Variants in POSTN observed in about 807,000 individuals in gnomAD.
POSTN encodes the protein periostin, also known as osteoblast specific factor 2 (fasciclin I-like).
In POSTN, 71 loss-of-function variants were observed where a neutral mutation model predicts 104.5. The observed-to-expected ratio is 0.68, with a 90% confidence interval of 0.56 to 0.83. The LOEUF is 0.83. POSTN is among the 40% of genes least tolerant of loss of function. The pLI is 0.00. For missense variants in POSTN, 949 were observed against 1,006.8 expected (o/e 0.94, Z 0.78); for synonymous variants, 355 against 340.7 (o/e 1.04, Z -0.46).
intron 2 of POSTN, among the ~76,000 whole-genome samples, chr13:37,592,465 A>G (rs1950966184): frequency 1.3e-5 from 2 of 151,956 alleles, no homozygotes; most frequent in African/African-American, 4.8e-5. Context: ...CGCCTGGCTA[A>G]TTTTTTGTAT....
chr13:37,567,044 G>A (rs1180734886), intron 21 of POSTN, among the ~76,000 whole-genome samples: 1 of 149,866 alleles, frequency 6.7e-6, no homozygotes, highest in African/African-American at 2.5e-5. Flanking sequence ...AGACCATCCC[G>A]GCTAAAACGG....
At chr13:37,573,952 T>A (rs1950329286) in intron 17 of POSTN, among the ~76,000 whole-genome samples, 2 of 151,494 alleles carry the variant, frequency 1.3e-5, no homozygotes, top group Non-Finnish European at 1.5e-5. Flanking sequence ...ATTATATATA[T>A]CTCATGTATA....
chr13:37,568,900 A>G (rs1031808893), intron 21 of POSTN: 3 of 153,996 alleles, frequency 1.9e-5, no homozygotes, highest in African/African-American at 7.2e-5. Flanking sequence ...TATAGAATTT[A>G]AAGACATGCC....
intron 4 of POSTN, among the ~76,000 whole-genome samples, chr13:37,588,837 TA>T (rs561970707): frequency 6.1e-4 from 93 of 152,184 alleles, no homozygotes; most frequent in African/African-American, 2.1e-3. Flanking sequence ...AAACTGGCCA[TA>T]AGGAACCACT....
intron 16 of POSTN, among the ~76,000 whole-genome samples, chr13:37,575,117 C>T (rs1350971499): frequency 6.6e-6 from 1 of 151,866 alleles, no homozygotes; most frequent in East Asian, 1.9e-4. Context: ...CATCTGATAA[C>T]AGTGACATAG....
rs757127915 is a variant in POSTN, at chr13:37,580,561, C to T, written c.1529G>A (p.Ser510Asn). 6.2e-7 allele frequency: 1 copy of T among 1,614,044 alleles called. No homozygotes were observed. The highest frequency in any genetic ancestry group is 8.5e-7 in the Non-Finnish European group (1 of 1,179,968). The change falls in exon 11 of 23, where the codon AGC becomes AAC. Residue 510 changes from serine (S) to asparagine (N), a missense_variant and splice_region_variant. Ser to Asn is a conservative substitution (Grantham distance 46). Coordinates refer to ENST00000379747, the MANE Select transcript of POSTN (RefSeq NM_006475.3). ...HEKLKQDKRF[S>N]TFLSLLEAAD... ...GTGGAGGTGCCACTAATAGGCTTAC[C>T]TAAAGCGCTTATCTTGTTTTAACTT...
intron 8 of POSTN, 76 bp from the exon 9 acceptor site, chr13:37,584,179 C>T (rs564078944): frequency 1.3e-6 from 2 of 1,542,252 alleles, no homozygotes; most frequent in South Asian, 2.4e-5. Context: ...TAAATCAATT[C>T]CTGACTCTTT....
intron 21 of POSTN, chr13:37,569,020 C>T (rs1167850018): frequency 8.9e-6 from 2 of 224,422 alleles, no homozygotes; most frequent in Admixed American, 1.1e-4. Context: ...CTTTTGCATA[C>T]TTAAAAGGCC....
At chr13:37,579,784 A>T (rs567743995) in intron 12 of POSTN, 77 bp downstream of exon 12, 1 of 1,501,434 alleles carries the variant, frequency 6.7e-7, no homozygotes. Flanking sequence ...TAAGGCAGAC[A>T]TCTGGACAGG....
chr13:37,577,701 T>C (rs1427032000), intron 16 of POSTN, 52 bp downstream of exon 16: 2 of 1,595,764 alleles, frequency 1.3e-6, no homozygotes, highest in Non-Finnish European at 1.7e-6. Flanking sequence ...ATGTATTGTT[T>C]TCTTTTTTCA....
At position 37,579,376 on chromosome 13, in the gene POSTN, G is replaced by A. The variant is rs376560045; in HGVS notation, c.1661-17C>T. On this transcript the variant is annotated splice_polypyrimidine_tract_variant and intron_variant, in intron 12 of 22. Transcript: ENST00000379747. ...TTTTGTCCCCTAGGGGAAAATATAT[G>A]TTTATTTTTATTGAATAATATGACT... 9.8e-6 allele frequency: 15 copies of A among 1,529,776 alleles called. No individual in the cohort carries two copies. The highest frequency in any genetic ancestry group is 1.3e-5 in the Non-Finnish European group (15 of 1,112,278). 94.8% of individuals were successfully genotyped at this position (1,529,776 alleles called of 1,614,324 possible). A position where few individuals can be genotyped will look rare whatever the true frequency, so the allele number is the denominator to read the frequency against.
intron 19 of POSTN, among the ~76,000 whole-genome samples, chr13:37,570,188 T>G (rs923462496): frequency 2.2e-4 from 34 of 151,884 alleles, no homozygotes; most frequent in African/African-American, 8.2e-4. Context: ...AATTGCTTTG[T>G]ATAAACTTGC....
chr13:37,574,710 T>C (rs1477136382), intron 16 of POSTN, 58 bp from the exon 17 acceptor site: 3 of 1,404,704 alleles, frequency 2.1e-6, no homozygotes, highest in Non-Finnish European at 2.8e-6. Flanking sequence ...GAACAAAGGT[T>C]TTTTTTTTTT....
At position 37,586,870 on chromosome 13, in the gene POSTN, A is replaced by C. The variant is rs774172885; in HGVS notation, c.665T>G (p.Val222Gly). 4 of 1,613,178 alleles carry C rather than the reference A, an allele frequency of 2.5e-6. No individual in the cohort carries two copies. The Admixed American group carries it at 6.7e-5, about 27-fold the overall frequency. Residue 222 changes from valine (V) to glycine (G), a missense_variant, in exon 6 of 23, where the codon GTT (valine) becomes GGT (glycine). Coordinates refer to ENST00000379747, the MANE Select transcript of POSTN (RefSeq NM_006475.3). ...AAGCACACGGTCAATGACATGGACA[A>C]CACCATTTGTTGCAATCTGGTTCCC... Reference protein sequence around the residue: ...IHGNQIATNGVVHVIDRVLTQ... With the variant: ...IHGNQIATNGGVHVIDRVLTQ...
chr13:37,597,164 G>GA lies in POSTN; in HGVS notation c.218+19dup, dbSNP rs746637237. The GA allele has an allele frequency of 0.013, 15,621 of 1,210,858 alleles. No individual in the cohort carries two copies. The highest frequency in any genetic ancestry group is 0.016 in the South Asian group (987 of 62,100). 75.0% of individuals were successfully genotyped at this position (1,210,858 alleles called of 1,614,324 possible). A position where few individuals can be genotyped will look rare whatever the true frequency, so the allele number is the denominator to read the frequency against. On this transcript the variant is annotated intron_variant, in intron 2 of 22. Coordinates refer to ENST00000379747, the MANE Select transcript of POSTN (RefSeq NM_006475.3). ...GTTGTTTTTGGAACTGACATATTAT[G>GA]AAAAAAAAAAGAGACTTACGTTTTC...
chr13:37,575,666 T>C (rs1464736663), intron 16 of POSTN, among the ~76,000 whole-genome samples: 2 of 152,116 alleles, frequency 1.3e-5, no homozygotes, highest in African/African-American at 2.4e-5. Flanking sequence ...ATCAAAGCAG[T>C]AGAGGTGAGA....
chr13:37,565,823 TCTTAA>T (rs1950084555), intron 21 of POSTN, among the ~76,000 whole-genome samples: 1 of 152,132 alleles, frequency 6.6e-6, no homozygotes, highest in South Asian at 2.1e-4. Flanking sequence ...TATAAATATT[TCTTAA>T]CTTCAGGTTT....
intron 16 of POSTN, among the ~76,000 whole-genome samples, chr13:37,575,316 T>C (rs537681307): frequency 1.3e-5 from 2 of 151,768 alleles, no homozygotes; most frequent in Admixed American, 1.3e-4. Context: ...ATTTTAAACG[T>C]GTGTCGTCTA....
chr13:37,575,911 G>A (rs935888546), intron 16 of POSTN, among the ~76,000 whole-genome samples: 4 of 152,110 alleles, frequency 2.6e-5, no homozygotes, highest in African/African-American at 4.8e-5. Flanking sequence ...CATGAAAGTC[G>A]AATACGAATA....
Sources: allele counts gnomAD v4.1 joint callset (sites outside exome capture counted in the v4.1 genomes callset), GRCh38; gene constraint gnomAD v4.1.1; transcripts MANE v1.5; gene names NCBI Gene and HGNC (gene_info 2026-07-23, HGNC 2026-07-21).